Variants in DAZL observed in about 807,000 individuals in gnomAD.
DAZL encodes deleted in azoospermia like.
Under a neutral mutation model 45.0 loss-of-function variants are expected in DAZL, and 4 were observed. The ratio of observed to expected loss-of-function variants is 0.09; its 90% CI spans 0.04 to 0.20. DAZL has a LOEUF of 0.20. Among genes scored for constraint, DAZL ranks in the 10% least tolerant of loss-of-function variants. The probability of loss-of-function intolerance (pLI) is 1.00; values close to 1 mark genes in which losing one functional copy is unlikely to be tolerated. For missense variants in DAZL, 326 were observed against 351.3 expected, an observed-to-expected ratio of 0.93 and a Z score of 0.58; for synonymous variants, 122 against 112.4, an observed-to-expected ratio of 1.09 and a Z score of -0.54.
chr3:16,599,682 G>C (rs188652685), intron 1 of DAZL, among the ~76,000 whole-genome samples: 2 of 152,110 alleles, frequency 1.3e-5, no homozygotes, highest in Middle Eastern at 3.4e-3. Flanking sequence ...ATTTTTTCTG[G>C]ATTTTGATCA....
At chr3:16,592,256 T>A in intron 9 of DAZL, 108 bp from the exon 10 acceptor site, 4 of 1,487,590 alleles carry the variant, frequency 2.7e-6, no homozygotes, top group Admixed American at 1.8e-5. Context: ...TCTAAAGAAA[T>A]GCAAAAAATG....
intron 3 of DAZL, 84 bp from the exon 4 acceptor site, chr3:16,597,625 G>T: frequency 1.2e-6 from 1 of 849,408 alleles, no homozygotes; most frequent in Non-Finnish European, 2.1e-6. Flanking sequence ...AAGTGATCAT[G>T]ACTAAAATAT....
chr3:16,596,685 G>A (rs1694604907), intron 6 of DAZL, 65 bp downstream of exon 6: 15 of 1,555,600 alleles, frequency 9.6e-6, no homozygotes, highest in South Asian at 7.8e-5. Flanking sequence ...GAAATTGGAT[G>A]TAATTCCACA....
intron 6 of DAZL, among the ~76,000 whole-genome samples, chr3:16,595,840 C>A (rs927880080): frequency 1.3e-5 from 2 of 151,802 alleles, no homozygotes; most frequent in Admixed American, 1.3e-4. Flanking sequence ...TACTTCATTT[C>A]GAAGAACTAA....
chr3:16,591,539 C>A (rs1043026432), intron 10 of DAZL, among the ~76,000 whole-genome samples: 12 of 151,922 alleles, frequency 7.9e-5, no homozygotes, highest in African/African-American at 2.9e-4. Context: ...AAGCAATCCT[C>A]CTACCTCAGC....
intron 6 of DAZL, among the ~76,000 whole-genome samples, chr3:16,595,600 AAAG>A (rs1694587796): frequency 6.6e-6 from 1 of 152,038 alleles, no homozygotes; most frequent in African/African-American, 2.4e-5. Flanking sequence ...ACAAATGACA[AAAG>A]AAGTGACTAT....
Position 16,602,001 on chromosome 3 carries a change from C to CAAAG in DAZL, c.3+3198_3+3201dup, listed in dbSNP as rs374254209. Among the ~76,000 whole-genome samples, 317 of 152,008 alleles carry CAAAG rather than the reference C, an allele frequency of 2.1e-3. 1 individual carries two copies. The highest frequency in any genetic ancestry group is 3.7e-3 in the Non-Finnish European group (254 of 68,002). On this transcript the variant is annotated intron_variant, in intron 1 of 10. Transcript: ENST00000399444. ...GAAAAAGGCTATAATTTGTAGTTAT[C>CAAAG]AAAGTTACGTTCACACCAATAGGAA...
Position 16,595,370 on chromosome 3 carries a change from G to T in DAZL, c.514C>A (p.Pro172Thr). ...TQYVQAYPTYPNSPVQVITGY... is the reference protein window; with the variant it reads ...TQYVQAYPTYTNSPVQVITGY... ...GTGATGACCTGAACTGGTGAATTTG[G>T]GTAAGTAGGATATGCCTGAAAATCA... Residue 172 changes from proline (P) to threonine (T), a missense_variant, in exon 7 of 11, where the codon CCA becomes ACA. Pro to Thr is a conservative substitution (Grantham distance 38). This residue lies in a region of DAZL where 227 missense variants were observed against 216.6 expected (regional missense o/e 1.05). Transcript: ENST00000399444. 6.3e-7 allele frequency: 1 copy of T among 1,578,100 alleles called. No individual in the cohort carries two copies. Among genetic ancestry groups the T allele is most frequent in the Non-Finnish European group, 8.6e-7 (1 of 1,156,074 alleles).
chr3:16,596,714 A>C (rs1450750683), intron 6 of DAZL, 36 bp downstream of exon 6: 1 of 1,610,102 alleles, frequency 6.2e-7, no homozygotes, highest in Admixed American at 1.7e-5. Flanking sequence ...GATGACTACA[A>C]TAAACAAGAG....
At chr3:16,598,276 T>C in intron 2 of DAZL, 98 bp from the exon 3 acceptor site, 1 of 1,413,948 alleles carries the variant, frequency 7.1e-7, no homozygotes, top group Non-Finnish European at 9.9e-7. Context: ...TTCTCCCCCA[T>C]TTATCCCCAA....
intron 10 of DAZL, among the ~76,000 whole-genome samples, chr3:16,589,893 G>C (rs1469662407): frequency 7.1e-6 from 1 of 139,958 alleles, no homozygotes; most frequent in Non-Finnish European, 1.5e-5. Context: ...GTAAGATTCT[G>C]TCTCTTAAAA....
At chr3:16,589,178 A>G (rs1373228975) in intron 10 of DAZL, among the ~76,000 whole-genome samples, 1 of 152,202 alleles carries the variant, frequency 6.6e-6, no homozygotes, top group Non-Finnish European at 1.5e-5. Context: ...GCATTTAAAG[A>G]CATATCATTA....
chr3:16,605,327 G>A lies in DAZL; in HGVS notation c.-122C>T, dbSNP rs1694762925. ...CGCTGCGCGGCTTCGAGTGGTCAAA[G>A]GAGCCAAAGATGAAGAGAAAAGGAA... On this transcript the variant is annotated 5_prime_UTR_variant, in exon 1 of 11. Transcript: ENST00000399444. 4.1e-6 allele frequency: 5 copies of A among 1,226,296 alleles called. No homozygotes were observed. The highest frequency in any genetic ancestry group is 6.0e-6 in the Non-Finnish European group (5 of 827,264). The allele number at this position is 1,226,296 out of a possible 1,614,324, so 76.0% of individuals were successfully genotyped here.
rs1694568263 is a variant in DAZL, at chr3:16,594,548, G to A, written c.606C>T (p.Ser202=). ...PPQWPVGEQR[S]YVVPPAYSAV... is the part of the protein sequence containing the mutation. ...TTCACTTTACCGGAGGTACAACATAGCTCCTTTGCTCCCCAACAGGCCACT... is the reference window on the plus strand; with the variant it reads ...TTCACTTTACCGGAGGTACAACATAACTCCTTTGCTCCCCAACAGGCCACT... The change falls in exon 8 of 11, where the codon AGC becomes AGT. Residue 202 remains serine (S), a synonymous_variant. Coordinates refer to ENST00000399444, the MANE Select transcript of DAZL (RefSeq NM_001351.4). 1 of 1,588,952 alleles carries A rather than the reference G, an allele frequency of 6.3e-7. No homozygotes were observed. Among genetic ancestry groups the A allele is most frequent in the East Asian group, 2.3e-5 (1 of 44,346 alleles).
chr3:16,600,530 TTG>T (rs1412024476), intron 1 of DAZL, among the ~76,000 whole-genome samples: 1 of 152,244 alleles, frequency 6.6e-6, no homozygotes, highest in African/African-American at 2.4e-5. Flanking sequence ...ATGTCTTACG[TTG>T]TTTTTCTAAA....
chr3:16,601,811 G>A (rs912851459), intron 1 of DAZL, among the ~76,000 whole-genome samples: 1 of 152,136 alleles, frequency 6.6e-6, no homozygotes, highest in African/African-American at 2.4e-5. Context: ...GTTATTTATA[G>A]CAAACATATT....
intron 7 of DAZL, among the ~76,000 whole-genome samples, chr3:16,595,095 C>A (rs1304348404): frequency 3.3e-5 from 5 of 152,064 alleles, no homozygotes; most frequent in Non-Finnish European, 2.9e-5. Context: ...TCTCATAAAA[C>A]TGTTGTAGAG....
chr3:16,589,624 A>T (rs934017708), intron 10 of DAZL, among the ~76,000 whole-genome samples: 2 of 152,232 alleles, frequency 1.3e-5, no homozygotes, highest in Non-Finnish European at 2.9e-5. Flanking sequence ...CAAATTCAAT[A>T]CAACAACATG....
intron 1 of DAZL, chr3:16,604,459 G>A (rs1016271353): frequency 3.3e-6 from 5 of 1,532,664 alleles, no homozygotes; most frequent in Non-Finnish European, 3.5e-6. Context: ...CAAAGATGGC[G>A]TCAGGCGAGC....
Sources: gnomAD v4.1 joint callset for allele counts (sites outside exome capture counted in the v4.1 genomes callset) on GRCh38, gnomAD v4.1.1 for gene constraint, gnomAD v4.1.1 regional missense constraint, MANE v1.5 for transcripts, NCBI Gene and HGNC (gene_info 2026-07-23, HGNC 2026-07-21) for gene names.